SHB: variants seen among roughly 807,000 people sequenced by gnomAD.
SHB encodes SH2 domain containing adaptor protein B.
Under a neutral mutation model 52.3 loss-of-function variants are expected in SHB, and 20 were observed. The observed-to-expected ratio is 0.38, with a 90% confidence interval of 0.27 to 0.56. The LOEUF (loss-of-function observed/expected upper bound fraction) is 0.56. Ranked by LOEUF, SHB falls within the 20% of genes least tolerant of loss-of-function variation. The pLI is 0.71. For missense variants in SHB, 825 were observed against 723.3 expected, an observed-to-expected ratio of 1.14 and a Z score of -1.61; for synonymous variants, 397 against 316.5, an observed-to-expected ratio of 1.25 and a Z score of -2.70.
intron 5 of SHB, among the ~76,000 whole-genome samples, chr9:37,929,841 T>C (rs776010): frequency 0.57 from 86,307 of 152,116 alleles, 24,730 homozygotes; most frequent in Middle Eastern, 0.64. Flanking sequence ...TGGTGACTCA[T>C]GCACTCCCAG....
chr9:37,987,911 T>C (rs1258557793), intron 2 of SHB, among the ~76,000 whole-genome samples: 1 of 151,994 alleles, frequency 6.6e-6, no homozygotes, highest in African/African-American at 2.4e-5. Context: ...CAGGGTCCTC[T>C]GCTGGGGAGG....
chr9:37,920,274 G>GAAAAA (rs778748518), intron 5 of SHB, among the ~76,000 whole-genome samples: 2,425 of 136,070 alleles, frequency 0.018, 31 homozygotes, highest in Non-Finnish European at 0.029. Context: ...GACTTCTTCA[G>GAAAAA]AAAAACAAAA....
At chr9:37,991,657 C>CT (rs35786334) in intron 2 of SHB, among the ~76,000 whole-genome samples, 2 of 152,194 alleles carry the variant, frequency 1.3e-5, no homozygotes, top group Non-Finnish European at 2.9e-5. Context: ...GGCCTAATGA[C>CT]TTTTTGGGAC....
At chr9:38,015,867 A>G in intron 2 of SHB, 144 bp downstream of exon 2, 1 of 780,992 alleles carries the variant, frequency 1.3e-6, no homozygotes, top group Non-Finnish European at 2.1e-6. Flanking sequence ...GGGAAGACTT[A>G]ATACAGCATT....
intron 1 of SHB, among the ~76,000 whole-genome samples, chr9:38,036,332 A>G (rs992479506): frequency 2.0e-5 from 3 of 150,058 alleles, no homozygotes; most frequent in African/African-American, 7.6e-5. Flanking sequence ...AATTGCTAAC[A>G]GTTTATTAGC....
chr9:37,960,482 C>G (rs953206193), intron 3 of SHB, among the ~76,000 whole-genome samples: 1 of 152,232 alleles, frequency 6.6e-6, no homozygotes, highest in Non-Finnish European at 1.5e-5. Context: ...GAAAGTAAGA[C>G]TCAGAGCTGT....
At chr9:38,027,148 T>C (rs1179070815) in intron 1 of SHB, among the ~76,000 whole-genome samples, 2 of 152,194 alleles carry the variant, frequency 1.3e-5, no homozygotes. Flanking sequence ...ATATAGCACC[T>C]GGTGCACAGC....
chr9:37,952,987 A>G (rs987502345), intron 4 of SHB, among the ~76,000 whole-genome samples: 1 of 151,974 alleles, frequency 6.6e-6, no homozygotes, highest in Non-Finnish European at 1.5e-5. Context: ...CCTGGGAGAG[A>G]CAACCCAGGG....
intron 2 of SHB, among the ~76,000 whole-genome samples, chr9:37,986,252 C>T (rs781768807): frequency 2.6e-5 from 4 of 152,122 alleles, no homozygotes; most frequent in Non-Finnish European, 5.9e-5. Context: ...ACGATGAGGC[C>T]ATCAGGACAA....
At chr9:37,970,357 C>A (rs532750208) in intron 3 of SHB, among the ~76,000 whole-genome samples, 39 of 152,246 alleles carry the variant, frequency 2.6e-4, no homozygotes, top group Non-Finnish European at 5.3e-4. Flanking sequence ...GGGGCCACCT[C>A]ACACACTCTA....
intron 2 of SHB, among the ~76,000 whole-genome samples, chr9:38,012,360 T>A (rs1369761602): frequency 2.0e-5 from 3 of 152,186 alleles, no homozygotes; most frequent in Non-Finnish European, 4.4e-5. Context: ...GCTAGTTTTT[T>A]AACCTCTCTG....
chr9:37,990,626 A>AT (rs1369248009), intron 2 of SHB, among the ~76,000 whole-genome samples: 1 of 152,258 alleles, frequency 6.6e-6, no homozygotes, highest in Non-Finnish European at 1.5e-5. Flanking sequence ...TCAGAGGTAA[A>AT]TATCCTGTGG....
chr9:38,004,821 A>AGATC (rs1356421926), intron 2 of SHB, among the ~76,000 whole-genome samples: 1 of 152,190 alleles, frequency 6.6e-6, no homozygotes, highest in African/African-American at 2.4e-5. Context: ...AGCAAGTGAG[A>AGATC]GATCAGCTGA....
intron 1 of SHB, among the ~76,000 whole-genome samples, chr9:38,042,415 GCCCCAGT>G (rs1467284249): frequency 6.6e-6 from 1 of 152,178 alleles, no homozygotes; most frequent in East Asian, 1.9e-4. Context: ...GAGTGGGGAG[GCCCCAGT>G]CCCGCTCAGG....
intron 1 of SHB, among the ~76,000 whole-genome samples, chr9:38,035,571 T>C (rs759642513): frequency 2.6e-5 from 4 of 152,052 alleles, no homozygotes; most frequent in Non-Finnish European, 4.4e-5. Flanking sequence ...TTGGGTGCCA[T>C]GGGAGAAGCA....
At chr9:38,007,120 C>G (rs1161717013) in intron 2 of SHB, among the ~76,000 whole-genome samples, 1 of 152,220 alleles carries the variant, frequency 6.6e-6, no homozygotes, top group Admixed American at 6.5e-5. Context: ...ACGGTGCCAG[C>G]ACATGGCAGG....
At chr9:38,034,276 C>T (rs1821454545) in intron 1 of SHB, among the ~76,000 whole-genome samples, 1 of 152,212 alleles carries the variant, frequency 6.6e-6, no homozygotes, top group Non-Finnish European at 1.5e-5. Context: ...CTGCCTGGGA[C>T]CTTTACTAAA....
intron 5 of SHB, among the ~76,000 whole-genome samples, chr9:37,939,816 AT>A (rs1225380351): frequency 2.0e-5 from 3 of 152,240 alleles, no homozygotes; most frequent in Non-Finnish European, 2.9e-5. Flanking sequence ...ATCTGTAAAA[AT>A]GATGGCAATG....
Position 37,929,327 on chromosome 9 carries a change from A to G in SHB, c.1347-9323T>C, listed in dbSNP as rs114025058. On this transcript the variant is annotated intron_variant, in intron 5 of 5. Transcript: ENST00000377707. ...CACTCTTTGGCAGGCCCCTCGGATAAGCATGACGTGAAACAGGGGGCTGGC... is the reference window on the plus strand; with the variant it reads ...CACTCTTTGGCAGGCCCCTCGGATAGGCATGACGTGAAACAGGGGGCTGGC... 8.4e-3 allele frequency among the ~76,000 whole-genome samples: 1,274 copies of G among 152,350 alleles called. 18 individuals are homozygous for G. Among genetic ancestry groups the G allele is most frequent in the African/African-American group, 0.029 (1,209 of 41,572 alleles).
Sources: gnomAD v4.1 joint callset for allele counts (sites outside exome capture counted in the v4.1 genomes callset) on GRCh38, gnomAD v4.1.1 for gene constraint, MANE v1.5 for transcripts, NCBI Gene and HGNC (gene_info 2026-07-23, HGNC 2026-07-21) for gene names.